The following KCNH7 variants were observed in gnomAD, a reference collection of about 807,000 sequenced individuals.
The protein encoded by KCNH7 is voltage-gated inwardly rectifying potassium channel KCNH7.
KCNH7 carries 49 observed loss-of-function variants against 120.8 expected under a neutral mutation model. That is an observed-to-expected ratio of 0.41 (90% CI 0.32 to 0.51). The LOEUF (loss-of-function observed/expected upper bound fraction) is 0.51. Among genes scored for constraint, KCNH7 ranks in the 20% least tolerant of loss-of-function variants. The pLI is 0.38. For synonymous variants in KCNH7, 547 were observed against 516.1 expected, an observed-to-expected ratio of 1.06 and a Z score of -0.81; for missense variants, 1,097 against 1,446.6, an observed-to-expected ratio of 0.76 and a Z score of 3.92.
intron 2 of KCNH7, among the ~76,000 whole-genome samples, chr2:162,720,299 TAAA>T (rs59618789): frequency 0.021 from 2,049 of 97,776 alleles, 67 homozygotes; most frequent in African/African-American, 0.063. Flanking sequence ...GATGTGTGAT[TAAA>T]AAAAAAAAAA....
chr2:162,434,336 A>G (rs1688168415), intron 8 of KCNH7, among the ~76,000 whole-genome samples: 1 of 152,068 alleles, frequency 6.6e-6, no homozygotes, highest in African/African-American at 2.4e-5. Flanking sequence ...AGCATCACAC[A>G]ATATACCCAT....
At chr2:162,661,610 C>A (rs1375712387) in intron 2 of KCNH7, among the ~76,000 whole-genome samples, 6 of 152,018 alleles carry the variant, frequency 3.9e-5, no homozygotes, top group Admixed American at 3.9e-4. Context: ...ATCGTTGATA[C>A]CTTGGAGGCT....
intron 5 of KCNH7, among the ~76,000 whole-genome samples, chr2:162,505,203 C>T (rs1245101538): frequency 1.3e-5 from 2 of 151,884 alleles, no homozygotes; most frequent in Admixed American, 6.6e-5. Context: ...AAGAGTTAAA[C>T]CCAGATGAAG....
intron 7 of KCNH7, among the ~76,000 whole-genome samples, chr2:162,444,527 G>A (rs1182399733): frequency 6.6e-6 from 1 of 151,814 alleles, no homozygotes; most frequent in Non-Finnish European, 1.5e-5. Flanking sequence ...TTAATTTGGG[G>A]GTAACACTTA....
At chr2:162,550,503 G>A (rs2389736) in intron 2 of KCNH7, among the ~76,000 whole-genome samples, 41,772 of 151,938 alleles carry the variant, frequency 0.27, 10,103 homozygotes, top group African/African-American at 0.63. Flanking sequence ...CTTTCACTGA[G>A]GTTTGTAGAT....
chr2:162,559,177 A>G (rs1692973969), intron 2 of KCNH7, among the ~76,000 whole-genome samples: 1 of 152,086 alleles, frequency 6.6e-6, no homozygotes, highest in African/African-American at 2.4e-5. Context: ...AAAAATTGCT[A>G]CAGTGTTTTT....
At chr2:162,571,579 C>T (rs1226473654) in intron 2 of KCNH7, among the ~76,000 whole-genome samples, 2 of 149,080 alleles carry the variant, frequency 1.3e-5, no homozygotes, top group African/African-American at 5.0e-5. Context: ...AAAGAGCCTG[C>T]ATCGCCAAGT....
chr2:162,480,865 G>A (rs1689908112), intron 6 of KCNH7, among the ~76,000 whole-genome samples: 1 of 152,110 alleles, frequency 6.6e-6, no homozygotes, highest in African/African-American at 2.4e-5. Context: ...GAAAAAGGAG[G>A]ATGGTTAAGA....
At chr2:162,725,363 C>T (rs1014002722) in intron 2 of KCNH7, among the ~76,000 whole-genome samples, 2 of 151,996 alleles carry the variant, frequency 1.3e-5, no homozygotes, top group African/African-American at 4.8e-5. Context: ...TGTCTGCTTA[C>T]ATTTTATAGT....
intron 2 of KCNH7, among the ~76,000 whole-genome samples, chr2:162,793,974 A>T (rs1433845511): frequency 6.6e-6 from 1 of 152,040 alleles, no homozygotes; most frequent in Non-Finnish European, 1.5e-5. Flanking sequence ...GTGAGGTAGT[A>T]GGTATGTTAA....
intron 3 of KCNH7, among the ~76,000 whole-genome samples, chr2:162,520,920 A>G (rs982894772): frequency 6.6e-6 from 1 of 151,830 alleles, no homozygotes; most frequent in African/African-American, 2.4e-5. Context: ...TGCTCTCTAG[A>G]ATCCAGTCAT....
At chr2:162,829,983 G>T (rs1231127413) in intron 2 of KCNH7, among the ~76,000 whole-genome samples, 1 of 151,654 alleles carries the variant, frequency 6.6e-6, no homozygotes, top group East Asian at 1.9e-4. Flanking sequence ...ATAAGACTTG[G>T]TGTTTTCTCT....
intron 2 of KCNH7, among the ~76,000 whole-genome samples, chr2:162,560,802 A>G (rs1693035291): frequency 6.6e-6 from 1 of 152,200 alleles, no homozygotes; most frequent in Non-Finnish European, 1.5e-5. Flanking sequence ...TTATTACTAC[A>G]AATACTTGTG....
chr2:162,590,176 A>T (rs899480360), intron 2 of KCNH7, among the ~76,000 whole-genome samples: 1 of 152,094 alleles, frequency 6.6e-6, no homozygotes, highest in Non-Finnish European at 1.5e-5. Context: ...AGAGCCTTTT[A>T]TGTAGAAATA....
rs1690029866 is a variant in KCNH7, at chr2:162,484,519, A to C, written c.1128+19924T>G. Reference sequence around the variant, plus strand: ...GTGAAGAAACCAGAGAGACCGCAATAAGTCAGGATGCATCCTAACTTATTC... The same window carrying C: ...GTGAAGAAACCAGAGAGACCGCAATCAGTCAGGATGCATCCTAACTTATTC... On this transcript the variant is annotated intron_variant, in intron 6 of 15. Coordinates refer to ENST00000332142, the MANE Select transcript of KCNH7 (RefSeq NM_033272.4). Among the ~76,000 whole-genome samples, 4 of 152,234 alleles carry C rather than the reference A, an allele frequency of 2.6e-5. No homozygotes were observed. The South Asian group carries it at 8.3e-4, about 32-fold the overall frequency.
chr2:162,698,761 C>A (rs538302536), intron 2 of KCNH7, among the ~76,000 whole-genome samples: 2 of 152,012 alleles, frequency 1.3e-5, no homozygotes, highest in East Asian at 3.9e-4. Flanking sequence ...CATGGGACTA[C>A]CATGGAGATA....
At chr2:162,540,541 T>C (rs1381606627) in intron 2 of KCNH7, among the ~76,000 whole-genome samples, 1 of 152,108 alleles carries the variant, frequency 6.6e-6, no homozygotes, top group Non-Finnish European at 1.5e-5. Flanking sequence ...AGGCGTTTTA[T>C]TGTACTGTGT....
At chr2:162,505,248 A>G (rs1690830774) in intron 5 of KCNH7, among the ~76,000 whole-genome samples, 1 of 151,826 alleles carries the variant, frequency 6.6e-6, no homozygotes, top group Non-Finnish European at 1.5e-5. Flanking sequence ...GTGAAAGGCC[A>G]TTTTTGTGTG....
At chr2:162,534,866 G>A (rs144950757) in intron 3 of KCNH7, among the ~76,000 whole-genome samples, 48 of 151,704 alleles carry the variant, frequency 3.2e-4, no homozygotes, top group African/African-American at 9.6e-4. Context: ...ATTAATATGC[G>A]TTAAGAGAAC....
Sources: gnomAD v4.1 joint callset for allele counts (sites outside exome capture counted in the v4.1 genomes callset) on GRCh38, gnomAD v4.1.1 for gene constraint, MANE v1.5 for transcripts, NCBI Gene and HGNC (gene_info 2026-07-23, HGNC 2026-07-21) for gene names.